The following CTNNA3 variants were observed in gnomAD, a reference collection of about 807,000 sequenced individuals.
CTNNA3 encodes the protein catenin alpha 3.
CTNNA3 carries 76 observed loss-of-function variants against 95.7 expected under a neutral mutation model. That is an observed-to-expected ratio of 0.79 (90% CI 0.66 to 0.96). CTNNA3 has a LOEUF of 0.96. Among genes scored for constraint, CTNNA3 ranks in the 40% least tolerant of loss-of-function variants. CTNNA3 has a pLI of 0.00. For synonymous variants in CTNNA3, 431 were observed against 374.4 expected, an observed-to-expected ratio of 1.15 and a Z score of -1.74; for missense variants, 1,191 against 1,089.8, an observed-to-expected ratio of 1.09 and a Z score of -1.31.
At chr10:66,638,442 C>T (rs531174915) in intron 9 of CTNNA3, among the ~76,000 whole-genome samples, 29 of 152,230 alleles carry the variant, frequency 1.9e-4, no homozygotes, top group South Asian at 8.3e-4. Context: ...CCCACCCCTC[C>T]GCCGCCCCAA....
Position 66,935,900 on chromosome 10 carries a change from C to T in CTNNA3, c.1048-160376G>A, listed in dbSNP as rs1448163155. Reference sequence around the variant, plus strand: ...TAGGACTGCTCTAAAATAATTTATACCCCACCCACAAAAGGCTTCTCAAAG... The same window carrying T: ...TAGGACTGCTCTAAAATAATTTATATCCCACCCACAAAAGGCTTCTCAAAG... On this transcript the variant is annotated intron_variant, in intron 7 of 17. Transcript: ENST00000433211. Among the ~76,000 whole-genome samples the T allele has an allele frequency of 2.6e-5, 4 of 152,042 alleles. No individual in the cohort carries two copies. In the Middle Eastern group the frequency reaches 0.014, roughly 517 times the overall value.
At chr10:66,079,437 GAGAA>G (rs955303528) in intron 14 of CTNNA3, 31 of 151,992 alleles carry the variant, frequency 2.0e-4, no homozygotes, top group African/African-American at 7.2e-4. Context: ...AGTAAGATTT[GAGAA>G]AGAATTATAT....
At chr10:65,924,035 A>C (rs1303300078) in intron 17 of CTNNA3, among the ~76,000 whole-genome samples, 1 of 152,208 alleles carries the variant, frequency 6.6e-6, no homozygotes, top group Admixed American at 6.5e-5. Context: ...CTTTTATTTA[A>C]AATGACCTAT....
intron 10 of CTNNA3, among the ~76,000 whole-genome samples, chr10:66,561,897 T>C (rs1196079157): frequency 2.6e-5 from 4 of 152,052 alleles, no homozygotes; most frequent in African/African-American, 4.8e-5. Flanking sequence ...CAATAACCTT[T>C]AGTCAGGTTG....
chr10:67,484,222 A>C (rs985670361), intron 5 of CTNNA3, among the ~76,000 whole-genome samples: 4 of 152,230 alleles, frequency 2.6e-5, no homozygotes, highest in Non-Finnish European at 5.9e-5. Context: ...GCAATGGGGA[A>C]AGGACTCCCT....
At chr10:65,966,833 G>A (rs2077978301) in intron 16 of CTNNA3, 87 bp from the exon 17 acceptor site, 2 of 1,007,150 alleles carry the variant, frequency 2.0e-6, no homozygotes, top group Admixed American at 2.4e-5. Context: ...CACATGGCAG[G>A]TACCTTATAA....
chr10:66,802,691 C>T (rs533853030), intron 7 of CTNNA3, among the ~76,000 whole-genome samples: 2 of 151,246 alleles, frequency 1.3e-5, no homozygotes, highest in Admixed American at 1.3e-4. Context: ...TATTCATAGC[C>T]ATCTGAATCA....
intron 5 of CTNNA3, among the ~76,000 whole-genome samples, chr10:67,478,951 A>G (rs566526039): frequency 2.7e-5 from 4 of 150,936 alleles, no homozygotes; most frequent in Admixed American, 1.3e-4. Context: ...AAAACAAAAA[A>G]ACGGCGGGAG....
chr10:66,623,229 T>G (rs1458606045), intron 9 of CTNNA3, among the ~76,000 whole-genome samples: 1 of 152,064 alleles, frequency 6.6e-6, no homozygotes, highest in Non-Finnish European at 1.5e-5. Context: ...AATACTGACC[T>G]GTAAAATTGA....
At chr10:67,097,760 T>A (rs1423145970) in intron 7 of CTNNA3, 2 of 1,612,428 alleles carry the variant, frequency 1.2e-6, no homozygotes, top group Non-Finnish European at 8.5e-7. Flanking sequence ...TCACAACAGC[T>A]GGCCGAATCA....
intron 7 of CTNNA3, among the ~76,000 whole-genome samples, chr10:66,903,174 C>A (rs1845830869): frequency 6.6e-6 from 1 of 152,176 alleles, no homozygotes; most frequent in Admixed American, 6.5e-5. Context: ...AAAAGCTTAT[C>A]CACCATGATC....
intron 15 of CTNNA3, among the ~76,000 whole-genome samples, chr10:66,023,246 A>C (rs191142859): frequency 1.3e-5 from 2 of 152,338 alleles, no homozygotes; most frequent in Non-Finnish European, 2.9e-5. Flanking sequence ...AAATGGTTTT[A>C]AGTAGTTCGT....
intron 1 of CTNNA3, among the ~76,000 whole-genome samples, chr10:67,726,418 A>T (rs1589582067): frequency 2.0e-5 from 1 of 48,932 alleles, no homozygotes; most frequent in East Asian, 8.3e-4. Context: ...CATATATAAT[A>T]TTATATATTA....
At chr10:66,137,231 A>G (rs1000874493) in intron 13 of CTNNA3, among the ~76,000 whole-genome samples, 2 of 152,180 alleles carry the variant, frequency 1.3e-5, no homozygotes, top group South Asian at 2.1e-4. Flanking sequence ...CTCCTGTGCA[A>G]CGCAATGAGG....
chr10:67,005,033 A>G (rs1925616), intron 7 of CTNNA3, among the ~76,000 whole-genome samples: 79,662 of 152,064 alleles, frequency 0.52, 21,578 homozygotes, highest in Middle Eastern at 0.73. Context: ...GATAATCACA[A>G]AAACAGGAAA....
At chr10:67,045,076 GAAAT>G (rs1156755160) in intron 7 of CTNNA3, among the ~76,000 whole-genome samples, 1 of 152,086 alleles carries the variant, frequency 6.6e-6, no homozygotes, top group African/African-American at 2.4e-5. Context: ...AAATATGAAA[GAAAT>G]AAATACATAT....
chr10:67,080,971 T>C (rs192839511), intron 7 of CTNNA3, among the ~76,000 whole-genome samples: 8 of 151,952 alleles, frequency 5.3e-5, no homozygotes, highest in African/African-American at 1.9e-4. Flanking sequence ...TGAAGTAACT[T>C]ACCTAAAGCT....
intron 11 of CTNNA3, among the ~76,000 whole-genome samples, chr10:66,479,315 G>T (rs967520965): frequency 6.6e-6 from 1 of 151,808 alleles, no homozygotes; most frequent in African/African-American, 2.4e-5. Context: ...ATCTCATGCT[G>T]GCTGGTAGGG....
chr10:67,400,965 T>C (rs1008459424), intron 5 of CTNNA3, among the ~76,000 whole-genome samples: 3 of 152,212 alleles, frequency 2.0e-5, no homozygotes, highest in South Asian at 2.1e-4. Flanking sequence ...AATATGATCC[T>C]GGACTAAGTG....
Sources: gnomAD v4.1 joint callset for allele counts (sites outside exome capture counted in the v4.1 genomes callset) on GRCh38, gnomAD v4.1.1 for gene constraint, MANE v1.5 for transcripts, NCBI Gene and HGNC (gene_info 2026-07-23, HGNC 2026-07-21) for gene names.